TENM1: variants seen among roughly 807,000 people sequenced by gnomAD.
The protein encoded by TENM1 is teneurin transmembrane protein 1.
A neutral mutation model predicts 174.8 loss-of-function variants in TENM1; 35 were observed. The observed-to-expected ratio is 0.20, with a 90% CI of 0.15 to 0.27. The LOEUF (loss-of-function observed/expected upper bound fraction) is 0.27, where lower values mean the gene tolerates loss of function less well. TENM1 is among the 10% of genes least tolerant of loss of function. The pLI is 1.00. For missense variants in TENM1, 1,633 were observed against 2,130.1 expected, an observed-to-expected ratio of 0.77 and a Z score of 4.59; for synonymous variants, 781 against 798.7, an observed-to-expected ratio of 0.98 and a Z score of 0.37.
intron 23 of TENM1, among the ~76,000 whole-genome samples, chrX:124,432,415 G>A (rs2147781647): frequency 9.0e-6 from 1 of 110,765 alleles, no homozygotes; most frequent in South Asian, 3.8e-4. Context: ...TTGTTTGTTT[G>A]TTTGTTTGTT....
chrX:125,046,839 TGTGTGTGTGTGTGCATGC>T, the TENM1 span, among the ~76,000 whole-genome samples: 9 of 91,865 alleles, frequency 9.8e-5, no homozygotes, highest in African/African-American at 3.7e-4. Flanking sequence ...TGTGTGCATG[TGTGTGTGTGTGTGCATGC>T]GTGTGTGTGT....
At chrX:124,670,411 A>T (rs898014795) in intron 6 of TENM1, among the ~76,000 whole-genome samples, 1 of 111,271 alleles carries the variant, frequency 9.0e-6, no homozygotes, top group Non-Finnish European at 1.9e-5. Flanking sequence ...GAGATAAGGA[A>T]GAAAAATCTG....
chrX:124,682,827 G>T (rs760227936), intron 5 of TENM1, among the ~76,000 whole-genome samples: 4 of 111,051 alleles, frequency 3.6e-5, no homozygotes, highest in Non-Finnish European at 5.7e-5. Flanking sequence ...ATCTAGGTCA[G>T]AAAACTGTTA....
chrX:125,174,006 G>A, the TENM1 span, among the ~76,000 whole-genome samples: 3,007 of 111,564 alleles, frequency 0.027, 114 homozygotes, highest in African/African-American at 0.093. Flanking sequence ...CTAATGACTG[G>A]TTAGATATGG....
At chrX:124,752,846 G>A (rs1397998222) in intron 3 of TENM1, among the ~76,000 whole-genome samples, 2 of 109,936 alleles carry the variant, frequency 1.8e-5, no homozygotes, top group Non-Finnish European at 3.8e-5. Flanking sequence ...TGTTCCATTG[G>A]TCTATATCTC....
At chrX:124,860,981 T>C (rs1035410076) in intron 3 of TENM1, among the ~76,000 whole-genome samples, 25 of 111,484 alleles carry the variant, frequency 2.2e-4, no homozygotes, top group African/African-American at 7.5e-4. Flanking sequence ...CTGAAGCTGA[T>C]AAAAATGACA....
intron 25 of TENM1, among the ~76,000 whole-genome samples, chrX:124,414,601 C>G (rs2060573976): frequency 9.0e-6 from 1 of 111,224 alleles, no homozygotes; most frequent in African/African-American, 3.3e-5. Context: ...GCATCAAATA[C>G]TAACACTTGG....
At chrX:124,854,350 A>G (rs2056776811) in intron 3 of TENM1, among the ~76,000 whole-genome samples, 1 of 110,935 alleles carries the variant, frequency 9.0e-6, no homozygotes, top group Non-Finnish European at 1.9e-5. Flanking sequence ...TTGGGGACTC[A>G]GGGGAAAGGG....
chrX:124,872,140 A>G (rs1283591589), intron 3 of TENM1, among the ~76,000 whole-genome samples: 1 of 110,530 alleles, frequency 9.0e-6, no homozygotes, highest in Non-Finnish European at 1.9e-5. Context: ...CCTGTAAGCC[A>G]GGTGAAAACA....
At chrX:124,855,512 T>A (rs1218762599) in intron 3 of TENM1, among the ~76,000 whole-genome samples, 1 of 111,323 alleles carries the variant, frequency 9.0e-6, no homozygotes, top group Non-Finnish European at 1.9e-5. Flanking sequence ...AAACATAGAC[T>A]TAAAAAAGAA....
the TENM1 span, among the ~76,000 whole-genome samples, chrX:125,077,501 T>C: frequency 9.0e-6 from 1 of 111,586 alleles, no homozygotes; most frequent in Non-Finnish European, 1.9e-5. Flanking sequence ...ATGAAGGAAC[T>C]GTAACCAAAA....
intron 4 of TENM1, among the ~76,000 whole-genome samples, chrX:124,716,420 A>C (rs745676139): frequency 3.6e-5 from 4 of 112,046 alleles, no homozygotes; most frequent in Middle Eastern, 4.6e-3. Context: ...CTTGACCCCT[A>C]AAACTTTCCA....
At chrX:125,013,888 T>C in the TENM1 span, among the ~76,000 whole-genome samples, 2 of 111,874 alleles carry the variant, frequency 1.8e-5, no homozygotes, top group African/African-American at 3.2e-5. Flanking sequence ...ATAGAAAACA[T>C]TTTTGTTAAA....
chrX:124,712,491 G>GT (rs1385279602), intron 4 of TENM1, among the ~76,000 whole-genome samples: 1 of 109,106 alleles, frequency 9.2e-6, no homozygotes, highest in Non-Finnish European at 1.9e-5. Flanking sequence ...TTTCTTTTTT[G>GT]TTTTTTTGGA....
the TENM1 span, among the ~76,000 whole-genome samples, chrX:125,144,576 C>T: frequency 3.6e-5 from 4 of 111,496 alleles, no homozygotes; most frequent in East Asian, 1.1e-3. Flanking sequence ...TAATTTGGAA[C>T]TTTGACCATA....
the TENM1 span, among the ~76,000 whole-genome samples, chrX:125,144,431 T>G: frequency 1.8e-5 from 2 of 111,376 alleles, no homozygotes; most frequent in Non-Finnish European, 3.8e-5. Flanking sequence ...GCTAACCCAT[T>G]GTGAAAATTA....
intron 11 of TENM1, among the ~76,000 whole-genome samples, chrX:124,616,833 A>G (rs887560183): frequency 2.7e-5 from 3 of 111,981 alleles, no homozygotes; most frequent in African/African-American, 9.7e-5. Flanking sequence ...GTGAATGTAC[A>G]GTAGAGAACT....
At chrX:124,797,444 T>C (rs1161359950) in intron 3 of TENM1, among the ~76,000 whole-genome samples, 1 of 111,521 alleles carries the variant, frequency 9.0e-6, no homozygotes, top group Non-Finnish European at 1.9e-5. Flanking sequence ...AAAATTACTA[T>C]GATGAGGCTG....
At chrX:124,497,371 T>A in intron 19 of TENM1, 106 bp from the exon 23 acceptor site, 1 of 874,328 alleles carries the variant, frequency 1.1e-6, no homozygotes, top group African/African-American at 2.0e-5. Flanking sequence ...GGAAGGAGCT[T>A]TGGCCTGGCA....
Sources: allele counts gnomAD v4.1 joint callset (sites outside exome capture counted in the v4.1 genomes callset), GRCh38; gene constraint gnomAD v4.1.1; transcripts MANE v1.5; gene names NCBI Gene and HGNC (gene_info 2026-07-23, HGNC 2026-07-21).